SGK2: variants seen among roughly 807,000 people sequenced by gnomAD.
SGK2 encodes serum/glucocorticoid regulated kinase 2.
Under a neutral mutation model 47.5 loss-of-function variants are expected in SGK2, and 36 were observed. The ratio of observed to expected loss-of-function variants is 0.76; its 90% CI spans 0.58 to 1.00. The LOEUF (loss-of-function observed/expected upper bound fraction) is 1.00. SGK2 is among the 50% of genes least tolerant of loss of function. The pLI is 0.00. For synonymous variants in SGK2, 157 were observed against 181.9 expected, an observed-to-expected ratio of 0.86 and a Z score of 1.10; for missense variants, 404 against 467.4, an observed-to-expected ratio of 0.86 and a Z score of 1.25.
chr20:43,580,329 G>C (rs183591817), intron 12 of SGK2, among the ~76,000 whole-genome samples: 1 of 152,132 alleles, frequency 6.6e-6, no homozygotes, highest in Non-Finnish European at 1.5e-5. Flanking sequence ...GCTCTGTTTC[G>C]CACAGCACAC....
At chr20:43,567,041 G>C (rs1979774423) in intron 2 of SGK2, 27 bp from the exon 3 acceptor site, 1 of 1,606,704 alleles carries the variant, frequency 6.2e-7, no homozygotes, top group Non-Finnish European at 8.5e-7. Flanking sequence ...GTAGGGATCT[G>C]CTGATCATAA....
intron 12 of SGK2, among the ~76,000 whole-genome samples, chr20:43,580,711 G>A (rs1483681944): frequency 5.4e-4 from 59 of 109,776 alleles, no homozygotes; most frequent in Non-Finnish European, 1.2e-4. Flanking sequence ...GTAGGCAACA[G>A]AGGGAGACTT....
intron 9 of SGK2, among the ~76,000 whole-genome samples, chr20:43,573,301 C>T (rs1431785467): frequency 5.9e-5 from 9 of 152,138 alleles, no homozygotes; most frequent in Admixed American, 5.9e-4. Context: ...CCAGCCTGGC[C>T]AACATGGCGA....
rs1980696265 is a variant in SGK2 at position 43,580,033 on chromosome 20, G to A, written c.911G>A (p.Arg304Lys). Residue 304 changes from arginine (R) to lysine (K), a missense_variant, in exon 12 of 13, where the codon AGG becomes AAG. Transcript: ENST00000373100. ...PINWDDLYHK[R>K]LTPPFNPNVT... ...AACTGGGATGACCTGTACCACAAGA[G>A]GCTAACTCCACCCTTCAACCCAAAT... The A allele has an allele frequency of 1.2e-6, 2 of 1,607,538 alleles. No individual in the cohort carries two copies. The highest frequency in any genetic ancestry group is 2.2e-5 in the South Asian group (2 of 90,210).
At chr20:43,562,099 C>T (rs1439248676) in intron 1 of SGK2, among the ~76,000 whole-genome samples, 1 of 152,036 alleles carries the variant, frequency 6.6e-6, no homozygotes, top group Admixed American at 6.6e-5. Flanking sequence ...TGAGTCAAGA[C>T]CTTTGTTTTG....
At chr20:43,573,502 A>C (rs1401781707) in intron 9 of SGK2, among the ~76,000 whole-genome samples, 26 of 151,624 alleles carry the variant, frequency 1.7e-4, no homozygotes, top group Admixed American at 2.0e-4. Flanking sequence ...AAAAAAAAAA[A>C]AAAAAAACTT....
intron 12 of SGK2, among the ~76,000 whole-genome samples, chr20:43,581,059 C>T (rs1029927223): frequency 4.6e-5 from 7 of 151,726 alleles, no homozygotes; most frequent in Non-Finnish European, 1.0e-4. Flanking sequence ...GTATTTTTAG[C>T]AGAGATGGGG....
intron 1 of SGK2, among the ~76,000 whole-genome samples, chr20:43,560,810 A>G (rs1479226246): frequency 6.6e-6 from 1 of 152,180 alleles, no homozygotes; most frequent in Non-Finnish European, 1.5e-5. Context: ...CATTAGTCAA[A>G]TTGTACTGGG....
chr20:43,570,829 T>C, intron 7 of SGK2, 100 bp downstream of exon 7: 1 of 1,272,242 alleles, frequency 7.9e-7, no homozygotes, highest in South Asian at 1.3e-5. Flanking sequence ...CTGGTGGACT[T>C]GGTCCTTTGT....
chr20:43,575,747 C>G lies in SGK2; in HGVS notation c.694-477C>G, dbSNP rs1980423991. ...AGCTTGGTCCCTAGGAAGGAACAGG[C>G]TCTGTGGATTAAGGGGAAGGAACAG... On this transcript the variant is annotated intron_variant, in intron 10 of 12. Transcript: ENST00000373100. 2.0e-5 allele frequency among the ~76,000 whole-genome samples: 3 copies of G among 152,040 alleles called. No homozygotes were observed. In the South Asian group the frequency reaches 6.2e-4, roughly 32 times the overall value.
chr20:43,582,233 T>C (rs1980841403), intron 12 of SGK2, among the ~76,000 whole-genome samples: 1 of 152,004 alleles, frequency 6.6e-6, no homozygotes, highest in Admixed American at 6.6e-5. Flanking sequence ...CTAATTTGTA[T>C]TTTTTGTACA....
chr20:43,574,072 A>C (rs1170195969), intron 9 of SGK2, among the ~76,000 whole-genome samples: 1 of 152,142 alleles, frequency 6.6e-6, no homozygotes, highest in African/African-American at 2.4e-5. Flanking sequence ...TTTTAGGATG[A>C]AAAAACCAGG....
rs372059009 is a variant in SGK2, at chr20:43,569,508, G to A, written c.352G>A (p.Gly118Arg). ...CTACTTCGTGCTCGACTATGTCAACGGGGGAGAGGTGGGTGGGCCCACAGG... is the reference window on the plus strand; with the variant it reads ...CTACTTCGTGCTCGACTATGTCAACAGGGGAGAGGTGGGTGGGCCCACAGG... ...KLYFVLDYVN[G>R]GELFFHLQRE... The change falls in exon 6 of 13, where the codon GGG (glycine) becomes AGG (arginine). Residue 118 changes from glycine (G) to arginine (R), a missense_variant. Coordinates refer to ENST00000373100, the MANE Select transcript of SGK2 (RefSeq NM_170693.3). The A allele has an allele frequency of 2.5e-5, 41 of 1,612,726 alleles. No individual in the cohort carries two copies. The highest frequency in any genetic ancestry group is 8.8e-5 in the South Asian group (8 of 91,064).
At chr20:43,564,646 CACAT>C (rs1979577963) in intron 1 of SGK2, 1 of 152,018 alleles carries the variant, frequency 6.6e-6, no homozygotes, top group African/African-American at 2.4e-5. Flanking sequence ...CACACTCACC[CACAT>C]ACACACACAC....
chr20:43,580,022 G>C lies in SGK2; in HGVS notation c.900G>C (p.Leu300=), dbSNP rs774356479. 27 of 1,610,856 alleles carry C rather than the reference G, an allele frequency of 1.7e-5. No individual in the cohort carries two copies. The highest frequency in any genetic ancestry group is 2.2e-5 in the Non-Finnish European group (26 of 1,178,466). The change falls in exon 12 of 13, where the codon CTG becomes CTC. Residue 300 remains leucine (L), a synonymous_variant. Coordinates refer to ENST00000373100, the MANE Select transcript of SGK2 (RefSeq NM_170693.3). ...VFFSPINWDD[L]YHKRLTPPFN... ...TCAGCCCCATAAACTGGGATGACCT[G>C]TACCACAAGAGGCTAACTCCACCCT...
intron 10 of SGK2, among the ~76,000 whole-genome samples, chr20:43,575,487 A>G (rs1980410451): frequency 7.5e-6 from 1 of 133,436 alleles, no homozygotes. Context: ...AAAAAAAGTT[A>G]GTTTACAACA....
chr20:43,561,415 G>C (rs1979369125), intron 1 of SGK2, among the ~76,000 whole-genome samples: 1 of 135,804 alleles, frequency 7.4e-6, no homozygotes, highest in African/African-American at 2.8e-5. Flanking sequence ...TTTTGAGACA[G>C]AGTCTTGCTC....
intron 4 of SGK2, 29 bp from the exon 5 acceptor site, chr20:43,567,887 C>T (rs1979834408): frequency 1.2e-6 from 2 of 1,608,066 alleles, no homozygotes; most frequent in African/African-American, 1.3e-5. Flanking sequence ...AAGTCACCTA[C>T]AGGGCCTCAA....
At chr20:43,569,266 A>C in intron 5 of SGK2, 119 bp from the exon 6 acceptor site, 1 of 1,295,244 alleles carries the variant, frequency 7.7e-7, no homozygotes. Flanking sequence ...GTGTTTGAGC[A>C]GGGGCATGAG....
Sources: allele counts gnomAD v4.1 joint callset (sites outside exome capture counted in the v4.1 genomes callset), GRCh38; gene constraint gnomAD v4.1.1; transcripts MANE v1.5; gene names NCBI Gene and HGNC (gene_info 2026-07-23, HGNC 2026-07-21).